NDC80: variants seen among roughly 807,000 people sequenced by gnomAD.
The protein encoded by NDC80 is kinetochore protein NDC80 homolog.
NDC80 carries 69 observed loss-of-function variants against 89.3 expected under a neutral mutation model. That is an observed-to-expected ratio of 0.77 (90% CI 0.64 to 0.94). The LOEUF (loss-of-function observed/expected upper bound fraction) is 0.94. Ranked by LOEUF, NDC80 falls within the 40% of genes least tolerant of loss-of-function variation. The pLI is 0.00. For synonymous variants in NDC80, 243 were observed against 255.6 expected (o/e 0.95, Z 0.47); for missense variants, 593 against 739.6 (o/e 0.80, Z 2.30).
In NDC80 at chr18:2,589,254, A is replaced by G. The variant is rs1188700164; in HGVS notation, c.814A>G (p.Asn272Asp). The change falls in exon 9 of 17, where the codon AAC (asparagine) becomes GAC (aspartate). Residue 272 changes from asparagine to aspartate, a missense_variant. Coordinates refer to ENST00000261597, the MANE Select transcript of NDC80 (RefSeq NM_006101.3). The stretch of plus-strand genomic sequence containing the variant: ...TAAGCTGGAATCATTAGAAGCAAAA[A>G]ACAGAGCATTGAATGAACAGATTGC... ...AFKLESLEAKNRALNEQIARL... is the reference protein window; with the variant it reads ...AFKLESLEAKDRALNEQIARL... 3.1e-6 allele frequency: 5 copies of G among 1,613,994 alleles called. No individual in the cohort carries two copies. The highest frequency in any genetic ancestry group is 4.2e-6 in the Non-Finnish European group (5 of 1,179,878).
chr18:2,583,134 C>A (rs150494591), intron 6 of NDC80, among the ~76,000 whole-genome samples: 124 of 152,266 alleles, frequency 8.1e-4, no homozygotes, highest in African/African-American at 2.9e-3. Context: ...AAACATGATT[C>A]AAATCTATAC....
chr18:2,579,669 T>C (rs994079776), intron 6 of NDC80, among the ~76,000 whole-genome samples: 1 of 152,128 alleles, frequency 6.6e-6, no homozygotes, highest in Non-Finnish European at 1.5e-5. Context: ...TCAGGTGATC[T>C]GCCCGCCTCA....
In NDC80 at chr18:2,599,028, C is replaced by A. The variant is rs752227267; in HGVS notation, c.1231C>A (p.Gln411Lys). 2.5e-6 allele frequency: 4 copies of A among 1,607,880 alleles called. No individual in the cohort carries two copies. Among genetic ancestry groups the A allele is most frequent in the Non-Finnish European group, 3.4e-6 (4 of 1,177,252 alleles). ...TGTTCTGTTCTTACAGATTGAAACA[C>A]AATTAGCAGAGTATCACAAATTGGC... The part of the protein sequence containing the change: ...YARGKEAIET[Q>K]LAEYHKLARK... Residue 411 changes from glutamine (Q) to lysine (K), a missense_variant, in exon 12 of 17, where the codon CAA becomes AAA. Physicochemically the swap from Gln to Lys is moderately conservative, Grantham distance 53. Coordinates refer to ENST00000261597, the MANE Select transcript of NDC80 (RefSeq NM_006101.3).
intron 15 of NDC80, among the ~76,000 whole-genome samples, chr18:2,609,958 G>A (rs191445349): frequency 1.3e-5 from 2 of 152,270 alleles, no homozygotes; most frequent in African/African-American, 2.4e-5. Context: ...AAACACAACA[G>A]AACTGCCTAT....
chr18:2,600,798 C>T (rs916069163), intron 12 of NDC80, among the ~76,000 whole-genome samples: 1 of 152,190 alleles, frequency 6.6e-6, no homozygotes, highest in Non-Finnish European at 1.5e-5. Flanking sequence ...CACTGAATTA[C>T]ACGCTATAAT....
intron 2 of NDC80, 29 bp downstream of exon 2, chr18:2,573,115 G>A (rs750716277): frequency 9.7e-6 from 15 of 1,545,078 alleles, no homozygotes; most frequent in South Asian, 2.3e-5. Flanking sequence ...GTTCTAATTT[G>A]CATGCTTTAT....
At chr18:2,610,666 T>C in intron 15 of NDC80, 93 bp from the exon 16 acceptor site, 2 of 706,248 alleles carry the variant, frequency 2.8e-6, no homozygotes, top group Non-Finnish European at 4.5e-6. Context: ...CACAGTTTGG[T>C]TTTTTTGAAT....
intron 16 of NDC80, among the ~76,000 whole-genome samples, chr18:2,613,346 A>G (rs2072755389): frequency 6.6e-6 from 1 of 152,246 alleles, no homozygotes; most frequent in Non-Finnish European, 1.5e-5. Flanking sequence ...GAGACACAAA[A>G]TCACCTTTTT....
intron 15 of NDC80, among the ~76,000 whole-genome samples, chr18:2,610,113 T>C (rs1021377226): frequency 1.3e-5 from 2 of 152,232 alleles, no homozygotes; most frequent in African/African-American, 4.8e-5. Flanking sequence ...CTACAAACAG[T>C]GGCATCCTTT....
intron 6 of NDC80, among the ~76,000 whole-genome samples, chr18:2,580,816 A>G (rs986760100): frequency 1.5e-5 from 2 of 131,144 alleles, no homozygotes; most frequent in Non-Finnish European, 3.1e-5. Flanking sequence ...ATCTCGGCTC[A>G]CTGCAACCTC....
At chr18:2,609,632 A>G (rs1286175079) in intron 15 of NDC80, among the ~76,000 whole-genome samples, 2 of 152,254 alleles carry the variant, frequency 1.3e-5, no homozygotes, top group Non-Finnish European at 2.9e-5. Context: ...GGGACCCTTC[A>G]TAATAAAAAG....
chr18:2,577,659 G>A, intron 3 of NDC80, 87 bp from the exon 4 acceptor site: 2 of 1,463,000 alleles, frequency 1.4e-6, no homozygotes, highest in Non-Finnish European at 9.4e-7. Flanking sequence ...TGATGTTGAT[G>A]TTAAAATGCA....
intron 8 of NDC80, among the ~76,000 whole-genome samples, chr18:2,588,672 G>A (rs1281140433): frequency 1.3e-5 from 2 of 152,138 alleles, no homozygotes; most frequent in Non-Finnish European, 1.5e-5. Context: ...TTCCTGAAGA[G>A]TAACCAGGAC....
At chr18:2,603,241 A>C (rs1165691923) in intron 13 of NDC80, among the ~76,000 whole-genome samples, 8 of 151,872 alleles carry the variant, frequency 5.3e-5, no homozygotes, top group African/African-American at 1.9e-4. Flanking sequence ...CAGAGGATTG[A>C]ATCCTAAAGA....
intron 6 of NDC80, among the ~76,000 whole-genome samples, 159 bp from the exon 7 acceptor site, chr18:2,584,949 AAAGTC>A (rs1555617893): frequency 6.6e-6 from 1 of 152,236 alleles, no homozygotes; most frequent in Non-Finnish European, 1.5e-5. Flanking sequence ...TATTCGAAAG[AAAGTC>A]AAAAGTGTTA....
intron 6 of NDC80, among the ~76,000 whole-genome samples, chr18:2,580,858 A>G (rs2072574269): frequency 6.8e-6 from 1 of 146,734 alleles, no homozygotes; most frequent in South Asian, 2.2e-4. Context: ...TCTCTGCCTC[A>G]GCCTCCCGAG....
rs1158017153 is a variant in NDC80, at chr18:2,571,679, A to G, written c.-14A>G. On this transcript the variant is annotated 5_prime_UTR_variant, in exon 1 of 17. Transcript: ENST00000261597. Reference sequence around the variant, plus strand: ...CCTGGGTCGTGTCAGGAAACTGGAAAAAAGGTGACTGAATGACATCGGATT... The same window carrying G: ...CCTGGGTCGTGTCAGGAAACTGGAAGAAAGGTGACTGAATGACATCGGATT... 1 of 152,378 alleles carries G rather than the reference A, an allele frequency of 6.6e-6. No individual in the cohort carries two copies. The highest frequency in any genetic ancestry group is 2.4e-5 in the African/African-American group (1 of 41,460). The allele number at this position is 152,378 out of a possible 1,614,324, so 9.4% of individuals were successfully genotyped here.
At chr18:2,578,552 A>AG (rs888360108) in intron 5 of NDC80, among the ~76,000 whole-genome samples, 1 of 152,216 alleles carries the variant, frequency 6.6e-6, no homozygotes, top group Non-Finnish European at 1.5e-5. Flanking sequence ...ACAAAAAAAA[A>AG]CAGGATTCAC....
chr18:2,611,529 A>T (rs1382972181), intron 16 of NDC80, among the ~76,000 whole-genome samples: 1 of 152,232 alleles, frequency 6.6e-6, no homozygotes, highest in Non-Finnish European at 1.5e-5. Flanking sequence ...ATGAAAGGGC[A>T]TATCTTATGA....
Sources: gnomAD v4.1 joint callset for allele counts (sites outside exome capture counted in the v4.1 genomes callset) on GRCh38, gnomAD v4.1.1 for gene constraint, MANE v1.5 for transcripts, NCBI Gene and HGNC (gene_info 2026-07-23, HGNC 2026-07-21) for gene names.